The following RBFOX1 variants were observed in gnomAD, a reference collection of about 807,000 sequenced individuals.
RBFOX1 encodes the protein RNA binding fox-1 homolog 1, also known as RNA binding protein fox-1 homolog 1.
A neutral mutation model predicts 57.7 loss-of-function variants in RBFOX1; 8 were observed. That is an observed-to-expected ratio of 0.14 (90% CI 0.08 to 0.25). RBFOX1 has a LOEUF of 0.25. RBFOX1 is among the 10% of genes least tolerant of loss of function. The pLI is 1.00. For missense variants in RBFOX1, 611 were observed against 548.5 expected (o/e 1.11, Z -1.14); for synonymous variants, 326 against 222.4 (o/e 1.47, Z -4.15).
Position 6,105,694 on chromosome 16 carries a change from A to G in RBFOX1, c.-127+85702A>G, listed in dbSNP as rs115492925. Among the ~76,000 whole-genome samples, 1,031 of 151,548 alleles carry G rather than the reference A, an allele frequency of 6.8e-3. 17 individuals are homozygous for G. Among genetic ancestry groups the G allele is most frequent in the African/African-American group, 0.024 (978 of 41,440 alleles). On this transcript the variant is annotated intron_variant, in intron 1 of 15. Coordinates refer to ENST00000550418, the MANE Select transcript of RBFOX1 (RefSeq NM_018723.4). ...TGGAAAGTAGAAAAAAAATATATAT[A>G]TATATATAAATTAATTCCCTTGTCA...
At chr16:6,996,853 A>C (rs1331436333) in intron 3 of RBFOX1, among the ~76,000 whole-genome samples, 2 of 152,180 alleles carry the variant, frequency 1.3e-5, no homozygotes, top group Non-Finnish European at 2.9e-5. Context: ...AATGGGACAC[A>C]GAGGCTGAAA....
intron 4 of RBFOX1, among the ~76,000 whole-genome samples, chr16:7,500,696 C>G (rs1600131480): frequency 6.6e-6 from 1 of 152,204 alleles, no homozygotes; most frequent in Non-Finnish European, 1.5e-5. Flanking sequence ...GATACCCATT[C>G]TGACTTTCTT....
intron 2 of RBFOX1, among the ~76,000 whole-genome samples, chr16:6,501,471 C>T (rs2095925158): frequency 1.3e-5 from 2 of 151,934 alleles, no homozygotes; most frequent in Non-Finnish European, 1.5e-5. Flanking sequence ...GACATGAACT[C>T]ACCATTTTTA....
intron 3 of RBFOX1, among the ~76,000 whole-genome samples, chr16:6,945,958 C>G (rs1035569144): frequency 3.9e-5 from 6 of 152,346 alleles, no homozygotes; most frequent in South Asian, 4.1e-4. Flanking sequence ...TCAAGGCATT[C>G]TGCCTCAATT....
intron 1 of RBFOX1, among the ~76,000 whole-genome samples, chr16:5,452,314 T>C (rs2068452403): frequency 6.6e-6 from 1 of 151,680 alleles, no homozygotes; most frequent in Admixed American, 6.6e-5. Flanking sequence ...AGATAAGGTT[T>C]TCTCTGCTGG....
At chr16:6,949,675 T>G (rs538287009) in intron 3 of RBFOX1, among the ~76,000 whole-genome samples, 97 of 152,270 alleles carry the variant, frequency 6.4e-4, no homozygotes, top group African/African-American at 2.2e-3. Context: ...ATGACCTCCT[T>G]TGACCTTAAT....
chr16:6,414,558 A>T (rs140567190), intron 2 of RBFOX1, among the ~76,000 whole-genome samples: 1 of 152,228 alleles, frequency 6.6e-6, no homozygotes, highest in African/African-American at 2.4e-5. Flanking sequence ...AGAAGAAAAT[A>T]AAGTACTGTG....
chr16:7,054,202 A>AT (rs1379393511), intron 4 of RBFOX1, among the ~76,000 whole-genome samples: 12 of 50,732 alleles, frequency 2.4e-4, no homozygotes, highest in East Asian at 1.0e-3. Context: ...TATTAAGGTG[A>AT]TTTTTTTTTT....
At chr16:6,384,328 A>C (rs1246183061) in intron 2 of RBFOX1, among the ~76,000 whole-genome samples, 1 of 152,214 alleles carries the variant, frequency 6.6e-6, no homozygotes, top group African/African-American at 2.4e-5. Flanking sequence ...GAAGATAAAA[A>C]TAATATACAA....
At chr16:6,959,137 C>G (rs1425039495) in intron 3 of RBFOX1, among the ~76,000 whole-genome samples, 1 of 152,074 alleles carries the variant, frequency 6.6e-6, no homozygotes, top group East Asian at 1.9e-4. Context: ...TTAAAATCCA[C>G]TTTTTCAGAC....
At chr16:5,967,695 A>G (rs1366083406) in intron 4 of RBFOX1, among the ~76,000 whole-genome samples, 1 of 152,158 alleles carries the variant, frequency 6.6e-6, no homozygotes, top group Non-Finnish European at 1.5e-5. Flanking sequence ...TCTTCCCCCT[A>G]AGAATCCTGC....
intron 2 of RBFOX1, chr16:6,573,877 C>G (rs1338548457): frequency 1.3e-5 from 2 of 152,244 alleles, no homozygotes; most frequent in African/African-American, 2.4e-5. Flanking sequence ...TGTTTTCCAG[C>G]CTGGACGTGA....
chr16:5,559,594 C>T (rs572187830), intron 2 of RBFOX1, among the ~76,000 whole-genome samples: 56 of 152,302 alleles, frequency 3.7e-4, no homozygotes, highest in African/African-American at 1.2e-3. Flanking sequence ...CCTGGTTCCC[C>T]TGCCCTAAAG....
chr16:5,465,485 C>G lies in RBFOX1; in HGVS notation c.220-1731C>G, dbSNP rs187171904. 1.3e-3 allele frequency among the ~76,000 whole-genome samples: 205 copies of G among 152,248 alleles called. 1 individual carries two copies. Among genetic ancestry groups the G allele is most frequent in the African/African-American group, 4.7e-3 (196 of 41,550 alleles). On this transcript the variant is annotated intron_variant, in intron 1 of 2. Coordinates refer to the RBFOX1 transcript ENST00000585867. Reference sequence around the variant, plus strand: ...GGTGCAGTTCAGCTTAAAACACAGCCTTTGAGCAAGGCTGGGAGAAACAGC... The same window carrying G: ...GGTGCAGTTCAGCTTAAAACACAGCGTTTGAGCAAGGCTGGGAGAAACAGC...
rs531431372 is a variant in RBFOX1, at chr16:5,594,394, G to C, written c.259-4508G>C. On this transcript the variant is annotated intron_variant, in intron 2 of 2. Coordinates refer to the RBFOX1 transcript ENST00000585867. ...AATTTAGAAAGTTTATTTTTCCAGGGTTGAGGACACAGGCCTGTGACACAG... is the reference window on the plus strand; with the variant it reads ...AATTTAGAAAGTTTATTTTTCCAGGCTTGAGGACACAGGCCTGTGACACAG... Among the ~76,000 whole-genome samples, 55 of 152,246 alleles carry C rather than the reference G, an allele frequency of 3.6e-4. 2 individuals carry two copies. In the South Asian group the frequency reaches 0.011, roughly 31 times the overall value.
At chr16:6,651,710 A>G (rs921942082) in intron 2 of RBFOX1, among the ~76,000 whole-genome samples, 23 of 152,204 alleles carry the variant, frequency 1.5e-4, no homozygotes, top group African/African-American at 5.5e-4. Flanking sequence ...TTCTGGGCAT[A>G]CGCACAAAAG....
chr16:7,096,297 C>T (rs536105888), intron 4 of RBFOX1, among the ~76,000 whole-genome samples: 4 of 152,096 alleles, frequency 2.6e-5, no homozygotes, highest in East Asian at 1.9e-4. Context: ...CTGAGAAGTC[C>T]AAAGATGACA....
chr16:6,183,100 T>G (rs1243167307), intron 1 of RBFOX1, among the ~76,000 whole-genome samples: 3 of 152,086 alleles, frequency 2.0e-5, no homozygotes, highest in Admixed American at 2.0e-4. Flanking sequence ...TCTCAGGAAA[T>G]TTGTGTTCTA....
chr16:7,710,755 C>A lies in RBFOX1; in HGVS notation c.*10C>A, dbSNP rs1285130466. 2.6e-6 allele frequency: 4 copies of A among 1,549,082 alleles called. No individual in the cohort carries two copies. Among genetic ancestry groups the A allele is most frequent in the Non-Finnish European group, 3.5e-6 (4 of 1,150,614 alleles). On this transcript the variant is annotated 3_prime_UTR_variant, in exon 16 of 16. Transcript: ENST00000550418. The stretch of plus-strand genomic sequence containing the variant: ...TTTTGCTCCATACTAAATGACAAAA[C>A]CATAAAAACCTTCCAATGTGGGGAG...
Sources: allele counts gnomAD v4.1 joint callset (sites outside exome capture counted in the v4.1 genomes callset), GRCh38; gene constraint gnomAD v4.1.1; transcripts MANE v1.5; gene names NCBI Gene and HGNC (gene_info 2026-07-23, HGNC 2026-07-21).